Variants in SAMD4A observed in about 807,000 individuals in gnomAD.
SAMD4A encodes sterile alpha motif domain containing 4A.
In SAMD4A, 33 loss-of-function variants were observed where a neutral mutation model predicts 81.3. That is an observed-to-expected ratio of 0.41 (90% CI 0.31 to 0.54). The LOEUF (loss-of-function observed/expected upper bound fraction) is 0.54, where lower values mean the gene tolerates loss of function less well. SAMD4A is among the 20% of genes least tolerant of loss of function. The pLI is 0.37. For synonymous variants in SAMD4A, 389 were observed against 382.1 expected (o/e 1.02, Z -0.21); for missense variants, 854 against 951.1 (o/e 0.90, Z 1.34).
intron 2 of SAMD4A, among the ~76,000 whole-genome samples, chr14:54,593,845 C>T (rs184331492): frequency 1.3e-5 from 2 of 152,142 alleles, no homozygotes; most frequent in East Asian, 3.9e-4. Context: ...TAGGTCTGGC[C>T]AGGAGAGAGG....
intron 2 of SAMD4A, among the ~76,000 whole-genome samples, chr14:54,638,245 C>T (rs8022003): frequency 0.016 from 2,463 of 152,236 alleles, 30 homozygotes; most frequent in Non-Finnish European, 0.023. Context: ...GGGGACTGCA[C>T]GGGGGAGCCG....
At chr14:54,669,552 A>AG (rs1381729058) in intron 2 of SAMD4A, among the ~76,000 whole-genome samples, 1 of 143,740 alleles carries the variant, frequency 7.0e-6, no homozygotes, top group African/African-American at 2.6e-5. Context: ...CTGAACTCCT[A>AG]GGCTCAAGCA....
At chr14:54,636,050 G>C (rs2035027620) in intron 2 of SAMD4A, among the ~76,000 whole-genome samples, 1 of 152,190 alleles carries the variant, frequency 6.6e-6, no homozygotes, top group South Asian at 2.1e-4. Context: ...AAATCACAGA[G>C]TATGTTAGAT....
At chr14:54,716,911 T>C (rs2037133775) in intron 3 of SAMD4A, among the ~76,000 whole-genome samples, 1 of 152,164 alleles carries the variant, frequency 6.6e-6, no homozygotes, top group Admixed American at 6.5e-5. Context: ...TCAGTGGTGC[T>C]TCTAAATGCA....
intron 2 of SAMD4A, among the ~76,000 whole-genome samples, chr14:54,575,302 C>A (rs760570974): frequency 2.0e-4 from 31 of 152,144 alleles, no homozygotes; most frequent in Non-Finnish European, 4.1e-4. Context: ...CTGTCTCAAC[C>A]CCTATCAAAT....
chr14:54,763,828 G>A lies in SAMD4A; in HGVS notation c.1511-627G>A, dbSNP rs192857940. Among the ~76,000 whole-genome samples, 342 of 152,270 alleles carry A rather than the reference G, an allele frequency of 2.2e-3. 2 individuals are homozygous for A. Among genetic ancestry groups the A allele is most frequent in the South Asian group, 7.5e-3 (36 of 4,818 alleles). ...CCTAGTGCGTGTGTATACTCTACCCGCAGACTAACTCTGTTCCATCCTATT... is the reference window on the plus strand; with the variant it reads ...CCTAGTGCGTGTGTATACTCTACCCACAGACTAACTCTGTTCCATCCTATT... On this transcript the variant is annotated intron_variant, in intron 7 of 12. Transcript: ENST00000554335.
intron 2 of SAMD4A, among the ~76,000 whole-genome samples, chr14:54,571,364 C>G (rs2033123189): frequency 6.6e-6 from 1 of 152,180 alleles, no homozygotes; most frequent in Non-Finnish European, 1.5e-5. Context: ...TAAGTCTCTT[C>G]AGCTACTGCT....
Position 54,775,062 on chromosome 14 carries a change from G to A in SAMD4A, c.1844G>A (p.Gly615Asp), listed in dbSNP as rs145872933. ...NVPSARLGLLGTSGFVSSNQR... is the reference protein window; with the variant it reads ...NVPSARLGLLDTSGFVSSNQR... ...CCTTCCGCCCGCCTGGGCCTCTTGG[G>A]CACCAGTGGATTCGTCAGCTCCAAC... Residue 615 changes from glycine (G) to aspartate (D), a missense_variant, in exon 10 of 13, where the codon GGC becomes GAC. Transcript: ENST00000554335. The A allele has an allele frequency of 1.2e-6, 2 of 1,614,024 alleles. No individual in the cohort carries two copies. The highest frequency in any genetic ancestry group is 2.7e-5 in the African/African-American group (2 of 74,914).
chr14:54,616,624 T>TA (rs2034498785), intron 2 of SAMD4A, among the ~76,000 whole-genome samples: 1 of 152,232 alleles, frequency 6.6e-6, no homozygotes, highest in Non-Finnish European at 1.5e-5. Flanking sequence ...TAGTCATAAT[T>TA]ACCATTATTG....
chr14:54,638,093 C>T (rs1438817625), intron 2 of SAMD4A, among the ~76,000 whole-genome samples: 1 of 152,160 alleles, frequency 6.6e-6, no homozygotes, highest in Non-Finnish European at 1.5e-5. Flanking sequence ...ATCTCTATGG[C>T]TATTTTTGCT....
At position 54,706,249 on chromosome 14, in the gene SAMD4A, C is replaced by T. The variant is rs371093256; in HGVS notation, c.715+3669C>T. Reference sequence around the variant, plus strand: ...TGAGCTGTGATCGTGTCACTGCACTCCAGCCTGGGTGACAGAGCAAGACTT... The same window carrying T: ...TGAGCTGTGATCGTGTCACTGCACTTCAGCCTGGGTGACAGAGCAAGACTT... On this transcript the variant is annotated intron_variant, in intron 3 of 12. Transcript: ENST00000554335. 2.1e-5 allele frequency among the ~76,000 whole-genome samples: 3 copies of T among 141,484 alleles called. No homozygotes were observed. The South Asian group carries it at 6.6e-4, about 31-fold the overall frequency. The allele number at this position is 141,484 out of a possible 152,430, so 92.8% of individuals were successfully genotyped here. A position where few individuals can be genotyped will look rare whatever the true frequency, so the allele number is the denominator to read the frequency against.
chr14:54,635,046 T>C (rs956395156), intron 2 of SAMD4A, among the ~76,000 whole-genome samples: 4 of 152,182 alleles, frequency 2.6e-5, no homozygotes, highest in African/African-American at 7.2e-5. Flanking sequence ...TTCAAGAACA[T>C]TTGTAGATAA....
At chr14:54,629,063 C>T (rs765361679) in intron 2 of SAMD4A, among the ~76,000 whole-genome samples, 2 of 144,958 alleles carry the variant, frequency 1.4e-5, no homozygotes, top group South Asian at 2.3e-4. Flanking sequence ...GAAGTTATGA[C>T]GTGATGGTGG....
chr14:54,691,407 G>A (rs753246315), intron 2 of SAMD4A, among the ~76,000 whole-genome samples: 1 of 152,208 alleles, frequency 6.6e-6, no homozygotes, highest in Middle Eastern at 3.4e-3. Context: ...CAATTTCATG[G>A]CAGGATACCC....
At chr14:54,645,890 G>A (rs1443283311) in intron 2 of SAMD4A, among the ~76,000 whole-genome samples, 1 of 152,124 alleles carries the variant, frequency 6.6e-6, no homozygotes, top group Non-Finnish European at 1.5e-5. Flanking sequence ...ATAGTCAGTG[G>A]GAATTTGTTA....
At chr14:54,688,821 T>C (rs2036350080) in intron 2 of SAMD4A, among the ~76,000 whole-genome samples, 1 of 152,112 alleles carries the variant, frequency 6.6e-6, no homozygotes, top group South Asian at 2.1e-4. Context: ...TTGGAGGCCA[T>C]GATTTTCTTG....
intron 2 of SAMD4A, among the ~76,000 whole-genome samples, chr14:54,649,727 A>AT (rs1481053739): frequency 2.6e-5 from 4 of 152,250 alleles, no homozygotes; most frequent in Non-Finnish European, 5.9e-5. Flanking sequence ...GCAAGCAGGC[A>AT]TAAGTGTCAG....
rs71412650 is a variant in SAMD4A at position 54,766,963 on chromosome 14, G to T, written c.1596+2423G>T. ...GTTTTGTTTTTTCCCCTTGACCTCC[G>T]TGCAGCCCCAGGTGATCTCCTCTGG... On this transcript the variant is annotated intron_variant, in intron 8 of 12. Transcript: ENST00000554335. Among the ~76,000 whole-genome samples the T allele has an allele frequency of 8.8e-3, 1,340 of 152,094 alleles. 11 individuals carry two copies. The highest frequency in any genetic ancestry group is 0.014 in the Non-Finnish European group (983 of 67,986).
chr14:54,760,237 A>G lies in SAMD4A; in HGVS notation c.1253A>G (p.Tyr418Cys), dbSNP rs2038356427. ...ATGATCCTGACTCCGATCAAGGCCT[A>G]CAGCTCCCCGAGCACCACCCCCGAG... The part of the protein sequence containing the change: ...HQMILTPIKA[Y>C]SSPSTTPEAR... The change falls in exon 7 of 13, where the codon TAC becomes TGC. Residue 418 changes from tyrosine to cysteine, a missense_variant. Physicochemically the swap from Tyr to Cys is radical, Grantham distance 194 (BLOSUM62 -2). Coordinates refer to ENST00000554335, the MANE Select transcript of SAMD4A (RefSeq NM_015589.6). The G allele has an allele frequency of 6.2e-7, 1 of 1,613,272 alleles. No homozygotes were observed. Among genetic ancestry groups the G allele is most frequent in the Non-Finnish European group, 8.5e-7 (1 of 1,179,874 alleles).
Sources: gnomAD v4.1 joint callset for allele counts (sites outside exome capture counted in the v4.1 genomes callset) on GRCh38, gnomAD v4.1.1 for gene constraint, MANE v1.5 for transcripts, NCBI Gene and HGNC (gene_info 2026-07-23, HGNC 2026-07-21) for gene names.